The following RAB3C variants were observed in gnomAD, a reference collection of about 807,000 sequenced individuals.
The protein encoded by RAB3C is RAB3C, member RAS oncogene family, also known as ras-related protein Rab-3C.
Under a neutral mutation model 26.4 loss-of-function variants are expected in RAB3C, and 17 were observed. The ratio of observed to expected loss-of-function variants is 0.64; its 90% confidence interval spans 0.44 to 0.97. RAB3C has a LOEUF of 0.97. Among genes scored for constraint, RAB3C ranks in the 50% least tolerant of loss-of-function variants. The pLI is 0.00. For synonymous variants in RAB3C, 91 were observed against 95.9 expected, an observed-to-expected ratio of 0.95 and a Z score of 0.30; for missense variants, 242 against 281.9, an observed-to-expected ratio of 0.86 and a Z score of 1.01.
At position 58,852,039 on chromosome 5, in the gene RAB3C, A is replaced by G. The variant is rs1208773057; in HGVS notation, c.*688A>G. Reference sequence around the variant, plus strand: ...GGCTATTTAACAATAATCTTCGTTTACACATTTAAATAAGCAAGTATCTAC... The same window carrying G: ...GGCTATTTAACAATAATCTTCGTTTGCACATTTAAATAAGCAAGTATCTAC... On this transcript the variant is annotated 3_prime_UTR_variant, in exon 5 of 5. Coordinates refer to ENST00000282878, the MANE Select transcript of RAB3C (RefSeq NM_138453.4). 1 of 152,192 alleles carries G rather than the reference A, an allele frequency of 6.6e-6. No individual in the cohort carries two copies. The highest frequency in any genetic ancestry group is 2.4e-5 in the African/African-American group (1 of 41,450). The allele number at this position is 152,192 out of a possible 1,614,324, so 9.4% of individuals were successfully genotyped here.
chr5:58,739,069 TC>T (rs1287424107), intron 3 of RAB3C, among the ~76,000 whole-genome samples: 1 of 152,246 alleles, frequency 6.6e-6, no homozygotes, highest in African/African-American at 2.4e-5. Flanking sequence ...TGTTGATTAT[TC>T]TGTTTAGAAA....
chr5:58,745,408 AAAAAAAAAAAAG>A (rs1415969440), intron 3 of RAB3C, among the ~76,000 whole-genome samples: 9 of 150,786 alleles, frequency 6.0e-5, no homozygotes, highest in African/African-American at 2.2e-4. Context: ...AAAAAAAAAA[AAAAAAAAAAAAG>A]AAAGTAGATG....
intron 3 of RAB3C, 137 bp downstream of exon 3, chr5:58,726,257 T>TAA (rs112085811): frequency 3.9e-5 from 19 of 482,050 alleles, no homozygotes; most frequent in South Asian, 1.5e-4. Flanking sequence ...GTGCTTCATT[T>TAA]AAAAAAAAAT....
intron 2 of RAB3C, among the ~76,000 whole-genome samples, chr5:58,685,486 C>T (rs1270402290): frequency 2.0e-5 from 3 of 152,150 alleles, no homozygotes; most frequent in African/African-American, 7.2e-5. Flanking sequence ...GAATAACTCT[C>T]CATCTCAAGA....
intron 3 of RAB3C, among the ~76,000 whole-genome samples, chr5:58,776,306 T>G (rs1482192984): frequency 1.3e-5 from 2 of 152,134 alleles, no homozygotes; most frequent in African/African-American, 4.8e-5. Context: ...TACCACTCTT[T>G]TCCAAACTCT....
rs373158103 is a variant in RAB3C at position 58,658,730 on chromosome 5, G to A, written c.252+40860G>A. On this transcript the variant is annotated intron_variant, in intron 2 of 4. Transcript: ENST00000282878. Reference sequence around the variant, plus strand: ...TGCATCTGTGATCAGCAGCAGGGTAGCACTACTTCTGAGAGTTAATTGGCT... The same window carrying A: ...TGCATCTGTGATCAGCAGCAGGGTAACACTACTTCTGAGAGTTAATTGGCT... Among the ~76,000 whole-genome samples the A allele has an allele frequency of 9.9e-5, 15 of 152,226 alleles. No individual in the cohort carries two copies. The East Asian group carries it at 2.3e-3, about 24-fold the overall frequency.
chr5:58,764,945 C>CT (rs1252362515), intron 3 of RAB3C, among the ~76,000 whole-genome samples: 3 of 151,866 alleles, frequency 2.0e-5, no homozygotes, highest in Admixed American at 1.3e-4. Flanking sequence ...GGCCTTAAGA[C>CT]TTTTTTTTGC....
At chr5:58,690,945 G>A (rs1444458247) in intron 2 of RAB3C, among the ~76,000 whole-genome samples, 1 of 152,058 alleles carries the variant, frequency 6.6e-6, no homozygotes, top group East Asian at 1.9e-4. Flanking sequence ...TTGATCATAA[G>A]ATAAGAGGCT....
chr5:58,727,462 A>G (rs1259255402), intron 3 of RAB3C, among the ~76,000 whole-genome samples: 1 of 152,058 alleles, frequency 6.6e-6, no homozygotes, highest in African/African-American at 2.4e-5. Flanking sequence ...TGAATGTTGT[A>G]AATACACCAG....
intron 2 of RAB3C, among the ~76,000 whole-genome samples, chr5:58,710,787 T>G (rs1001933527): frequency 3.3e-5 from 5 of 152,164 alleles, no homozygotes; most frequent in Admixed American, 3.3e-4. Context: ...GTGCTCGCTC[T>G]CTCTATGGCG....
chr5:58,759,658 C>A (rs757829539), intron 3 of RAB3C, among the ~76,000 whole-genome samples: 1 of 152,156 alleles, frequency 6.6e-6, no homozygotes, highest in Non-Finnish European at 1.5e-5. Context: ...GAGTGGTTTT[C>A]GAATCTGCTA....
At chr5:58,617,944 C>G in intron 2 of RAB3C, 74 bp downstream of exon 2, 1 of 898,970 alleles carries the variant, frequency 1.1e-6, no homozygotes, top group Non-Finnish European at 1.7e-6. Flanking sequence ...GAGAAACTTT[C>G]TGCCTTGTTC....
chr5:58,839,940 A>G (rs1203254591), intron 4 of RAB3C, among the ~76,000 whole-genome samples: 1 of 150,530 alleles, frequency 6.6e-6, no homozygotes, highest in East Asian at 2.0e-4. Flanking sequence ...TACTTTAAAT[A>G]TATTATTCCA....
At chr5:58,833,329 C>T (rs2548235) in intron 4 of RAB3C, among the ~76,000 whole-genome samples, 70,834 of 141,866 alleles carry the variant, frequency 0.5, 16,955 homozygotes, top group Middle Eastern at 0.65. Flanking sequence ...CCCCATCACA[C>T]ACACACACAC....
chr5:58,693,363 A>AT lies in RAB3C; in HGVS notation c.253-32639_253-32638insT, dbSNP rs1561291444. On this transcript the variant is annotated intron_variant, in intron 2 of 4. Coordinates refer to ENST00000282878, the MANE Select transcript of RAB3C (RefSeq NM_138453.4). ...ATATATATATATATATATATATATA[A>AT]AATTTCTTAAAACCTTGCAATTCAC... Among the ~76,000 whole-genome samples, 9 of 93,702 alleles carry AT rather than the reference A, an allele frequency of 9.6e-5. No individual in the cohort carries two copies. The East Asian group carries it at 1.7e-3, about 18-fold the overall frequency. 61.5% of individuals were successfully genotyped at this position (93,702 alleles called of 152,430 possible). A position where few individuals can be genotyped will look rare whatever the true frequency, so the allele number is the denominator to read the frequency against.
chr5:58,582,789 T>C (rs1201675425), upstream of RAB3C, among the ~76,000 whole-genome samples: 1 of 151,868 alleles, frequency 6.6e-6, no homozygotes, highest in Non-Finnish European at 1.5e-5. Context: ...CAAAGAAAAA[T>C]CTCCAGCTGA....
At chr5:58,681,026 T>A (rs1748332599) in intron 2 of RAB3C, among the ~76,000 whole-genome samples, 1 of 152,194 alleles carries the variant, frequency 6.6e-6, no homozygotes, top group African/African-American at 2.4e-5. Context: ...TAAAATTTTT[T>A]TTAATTTTTG....
intron 2 of RAB3C, among the ~76,000 whole-genome samples, chr5:58,653,758 A>G (rs747249945): frequency 6.6e-5 from 10 of 152,254 alleles, no homozygotes. Flanking sequence ...ACTGAAGCAC[A>G]TGAGAGATAC....
intron 1 of RAB3C, among the ~76,000 whole-genome samples, chr5:58,603,112 G>A (rs936406804): frequency 5.9e-5 from 9 of 152,070 alleles, no homozygotes; most frequent in Non-Finnish European, 1.3e-4. Flanking sequence ...GCTGATAATC[G>A]TTTTGTTTGA....
Sources: gnomAD v4.1 joint callset for allele counts (sites outside exome capture counted in the v4.1 genomes callset) on GRCh38, gnomAD v4.1.1 for gene constraint, MANE v1.5 for transcripts, NCBI Gene and HGNC (gene_info 2026-07-23, HGNC 2026-07-21) for gene names.